Variants in XKR9 observed in about 807,000 individuals in gnomAD.
XKR9 encodes the protein XK related 9.
XKR9 carries 32 observed loss-of-function variants against 32.0 expected under a neutral mutation model. That is an observed-to-expected ratio of 1.00 (90% CI 0.76 to 1.34). The LOEUF (loss-of-function observed/expected upper bound fraction) is 1.34. XKR9 is among the 40% of genes most tolerant of loss of function. The pLI is 0.00. For synonymous variants in XKR9, 168 were observed against 143.4 expected, an observed-to-expected ratio of 1.17 and a Z score of -1.22; for missense variants, 546 against 429.7, an observed-to-expected ratio of 1.27 and a Z score of -2.39.
At chr8:70,810,115 A>G in the XKR9 span, among the ~76,000 whole-genome samples, 3 of 152,226 alleles carry the variant, frequency 2.0e-5, no homozygotes, top group Non-Finnish European at 4.4e-5. Flanking sequence ...TACAAGCCAG[A>G]AGAGAGTGGG....
chr8:71,009,841 T>C, the XKR9 span, among the ~76,000 whole-genome samples: 4 of 152,172 alleles, frequency 2.6e-5, no homozygotes, highest in Non-Finnish European at 4.4e-5. Context: ...CTATCTTCTG[T>C]TGAGGCAAAT....
At chr8:70,971,730 C>T in the XKR9 span, among the ~76,000 whole-genome samples, 1 of 151,868 alleles carries the variant, frequency 6.6e-6, no homozygotes, top group African/African-American at 2.4e-5. Context: ...CCTTTCTTTA[C>T]TTTATGTTTT....
rs1806753908 is a variant in XKR9 at position 70,733,800 on chromosome 8, G to GT, written c.498_499insT (p.Ala167CysfsTer15). 1 of 1,546,820 alleles carries GT rather than the reference G, an allele frequency of 6.5e-7. No homozygotes were observed. Among genetic ancestry groups the GT allele is most frequent in the Admixed American group, 2.2e-5 (1 of 44,534 alleles). ...TTTTATTTTTTTGTTTTGTAGATGCGGCCATCATGGTCTCTTGCTGTGCTA... is the reference window on the plus strand; with the variant it reads ...TTTTATTTTTTTGTTTTGTAGATGCGTGCCATCATGGTCTCTTGCTGTGCTA... On this transcript the variant is annotated frameshift_variant, in exon 5 of 5. Coordinates refer to ENST00000408926, the MANE Select transcript of XKR9 (RefSeq NM_001011720.2). LOFTEE classifies it high-confidence loss of function.
chr8:70,783,483 A>G (rs1343847929), intron 2 of XKR9, among the ~76,000 whole-genome samples: 1 of 152,112 alleles, frequency 6.6e-6, no homozygotes, highest in Non-Finnish European at 1.5e-5. Flanking sequence ...GCCTTGGCCC[A>G]AAGTGTGTAT....
At chr8:70,922,972 C>T in the XKR9 span, among the ~76,000 whole-genome samples, 1 of 152,230 alleles carries the variant, frequency 6.6e-6, no homozygotes. Context: ...ATATCAAAAG[C>T]AATCCCTGTA....
chr8:70,825,150 G>T, the XKR9 span, among the ~76,000 whole-genome samples: 1 of 152,008 alleles, frequency 6.6e-6, no homozygotes, highest in Non-Finnish European at 1.5e-5. Context: ...ACTTTCCTCT[G>T]AGTTATTTGG....
At chr8:70,778,237 G>A (rs369085882) in intron 2 of XKR9, among the ~76,000 whole-genome samples, 1 of 152,110 alleles carries the variant, frequency 6.6e-6, no homozygotes, top group Non-Finnish European at 1.5e-5. Context: ...TGTCAGGTTT[G>A]TCAAAGATCA....
At chr8:70,879,960 A>C in the XKR9 span, among the ~76,000 whole-genome samples, 3 of 152,180 alleles carry the variant, frequency 2.0e-5, no homozygotes, top group Non-Finnish European at 2.9e-5. Context: ...GGGATGCAAG[A>C]CAGGTTCAAC....
the XKR9 span, among the ~76,000 whole-genome samples, chr8:70,894,571 G>T: frequency 2.6e-5 from 4 of 152,134 alleles, no homozygotes; most frequent in African/African-American, 9.7e-5. Flanking sequence ...GCCTTGTGGG[G>T]CAGGAACTAT....
chr8:70,686,584 C>CA (rs1819287781), intron 3 of XKR9, among the ~76,000 whole-genome samples: 1 of 152,020 alleles, frequency 6.6e-6, no homozygotes. Context: ...GCTGGGACTA[C>CA]AGGCATGTGC....
Position 70,734,802 on chromosome 8 carries a change from T to A in XKR9, c.*378T>A, listed in dbSNP as rs924946405. 1 of 155,658 alleles carries A rather than the reference T, an allele frequency of 6.4e-6. No individual in the cohort carries two copies. Among genetic ancestry groups the A allele is most frequent in the Non-Finnish European group, 1.4e-5 (1 of 70,760 alleles). 9.6% of individuals were successfully genotyped at this position (155,658 alleles called of 1,614,324 possible). ...AGAGAAAAGCAGAACACTGTATTAT[T>A]TTTTCCTTTATTGTCTTCAGTGCAT... On this transcript the variant is annotated 3_prime_UTR_variant, in exon 5 of 5. Coordinates refer to ENST00000408926, the MANE Select transcript of XKR9 (RefSeq NM_001011720.2).
Position 70,745,149 on chromosome 8 carries a change from G to T in XKR9, n.352+37996G>T, listed in dbSNP as rs1286589094. Among the ~76,000 whole-genome samples, 2 of 132,794 alleles carry T rather than the reference G, an allele frequency of 1.5e-5. 1 individual carries two copies. Among genetic ancestry groups the T allele is most frequent in the African/African-American group, 5.4e-5 (2 of 37,028 alleles). 87.1% of individuals were successfully genotyped at this position (132,794 alleles called of 152,430 possible). On this transcript the variant is annotated intron_variant and non_coding_transcript_variant, in intron 2 of 3. Transcript: ENST00000520273. ...CCATCCAACAAACATTTTCTTATTG[G>T]TTTTATAGCCAAGAAATAAATGGGA...
At chr8:70,881,371 C>T in the XKR9 span, among the ~76,000 whole-genome samples, 1 of 152,202 alleles carries the variant, frequency 6.6e-6, no homozygotes, top group African/African-American at 2.4e-5. Context: ...ATCTACCCAT[C>T]TGATGAAGGG....
rs187797689 is a variant in XKR9, at chr8:70,780,457, C to G, written n.353-8882C>G. Among the ~76,000 whole-genome samples the G allele has an allele frequency of 2.6e-4, 39 of 152,124 alleles. 1 individual carries two copies. Among genetic ancestry groups the G allele is most frequent in the African/African-American group, 9.1e-4 (38 of 41,550 alleles). On this transcript the variant is annotated intron_variant and non_coding_transcript_variant, in intron 2 of 3. Coordinates refer to the XKR9 transcript ENST00000520273. ...ATTATTCTTTAGTTCAAAATACTTTCTAAGTTCCTTATGATTTTTTTGACT... is the reference window on the plus strand; with the variant it reads ...ATTATTCTTTAGTTCAAAATACTTTGTAAGTTCCTTATGATTTTTTTGACT...
chr8:70,817,747 A>G, the XKR9 span, among the ~76,000 whole-genome samples: 2 of 152,336 alleles, frequency 1.3e-5, no homozygotes, highest in East Asian at 3.9e-4. Context: ...ACAGTATGCT[A>G]CTGGTTAAAA....
chr8:70,951,870 G>C, the XKR9 span, among the ~76,000 whole-genome samples: 7 of 103,890 alleles, frequency 6.7e-5, no homozygotes, highest in South Asian at 7.3e-4. Context: ...GCATCATTGG[G>C]GGGGGGGTGG....
At chr8:70,778,927 G>A (rs534796630) in intron 2 of XKR9, among the ~76,000 whole-genome samples, 2 of 151,850 alleles carry the variant, frequency 1.3e-5, no homozygotes, top group African/African-American at 4.9e-5. Context: ...TTTCCTAATG[G>A]AATACCCTTT....
chr8:70,947,896 CAT>C, the XKR9 span, among the ~76,000 whole-genome samples: 2 of 152,166 alleles, frequency 1.3e-5, no homozygotes, highest in Non-Finnish European at 2.9e-5. Context: ...GTTGGGAAAA[CAT>C]ATTCAAAATG....
intron 3 of XKR9, among the ~76,000 whole-genome samples, chr8:70,688,498 G>T (rs1320630095): frequency 2.0e-5 from 3 of 151,840 alleles, no homozygotes; most frequent in African/African-American, 7.2e-5. Flanking sequence ...GTCACTGCAA[G>T]CTCCGCCTCC....
Sources: allele counts gnomAD v4.1 joint callset (sites outside exome capture counted in the v4.1 genomes callset), GRCh38; gene constraint gnomAD v4.1.1; transcripts MANE v1.5; gene names NCBI Gene and HGNC (gene_info 2026-07-23, HGNC 2026-07-21).